POLR3A: variants seen among roughly 807,000 people sequenced by gnomAD.
POLR3A encodes the protein RNA polymerase III subunit A.
In POLR3A, 112 loss-of-function variants were observed where a neutral mutation model predicts 152.8. That is an observed-to-expected ratio of 0.73 (90% CI 0.63 to 0.86). POLR3A has a LOEUF of 0.86. Ranked by LOEUF, POLR3A falls within the 40% of genes least tolerant of loss-of-function variation. POLR3A has a pLI of 0.00. For missense variants in POLR3A, 1,385 were observed against 1,743.1 expected (o/e 0.79, Z 3.66); for synonymous variants, 615 against 652.1 (o/e 0.94, Z 0.87).
At chr10:78,010,951 C>T (rs952667484) in intron 11 of POLR3A, among the ~76,000 whole-genome samples, 1 of 152,152 alleles carries the variant, frequency 6.6e-6, no homozygotes, top group African/African-American at 2.4e-5. Flanking sequence ...CTCAAGTGAT[C>T]CTCCCAGCTC....
Position 78,021,532 on chromosome 10 carries a change from G to A in POLR3A, c.1185+14C>T, listed in dbSNP as rs1847579476. ...ATTTAAAACAAAGAATTGAGCAGCTGAGTGGTCACTTACCTTCTCAGGAAA... is the reference window on the plus strand; with the variant it reads ...ATTTAAAACAAAGAATTGAGCAGCTAAGTGGTCACTTACCTTCTCAGGAAA... On this transcript the variant is annotated intron_variant, in intron 8 of 30. Transcript: ENST00000372371. 6.2e-7 allele frequency: 1 copy of A among 1,613,300 alleles called. No individual in the cohort carries two copies. Among genetic ancestry groups the A allele is most frequent in the Admixed American group, 1.7e-5 (1 of 59,988 alleles).
intron 16 of POLR3A, among the ~76,000 whole-genome samples, 185 bp from the exon 17 acceptor site, chr10:78,002,493 C>T (rs1376920112): frequency 2.6e-5 from 4 of 152,156 alleles, no homozygotes; most frequent in Non-Finnish European, 5.9e-5. Context: ...ACATCTTCTA[C>T]AAGGTTCTAA....
chr10:77,986,181 A>G (rs753204426), intron 21 of POLR3A, 22 bp from the exon 22 acceptor site: 2 of 1,135,754 alleles, frequency 1.8e-6, no homozygotes, highest in South Asian at 2.5e-5. Context: ...CACAGCAAAC[A>G]TCATTTGTAA....
chr10:78,009,622 G>A lies in POLR3A; in HGVS notation c.1824C>T (p.Ser608=), dbSNP rs376895980. 23 of 1,613,986 alleles carry A rather than the reference G, an allele frequency of 1.4e-5. No individual in the cohort carries two copies. The highest frequency in any genetic ancestry group is 1.7e-5 in the Non-Finnish European group (20 of 1,180,016). The change falls in exon 14 of 31, where the codon AGC becomes AGT. Residue 608 remains serine (S), a synonymous_variant. Coordinates refer to ENST00000372371, the MANE Select transcript of POLR3A (RefSeq NM_007055.4). Reference sequence around the variant, plus strand: ...GGTTGGCCCTCACTGGATTGTCATCGCTAGGCCTGAGGATGACACTGAAGA... The same window carrying A: ...GGTTGGCCCTCACTGGATTGTCATCACTAGGCCTGAGGATGACACTGAAGA... ...KQIFSVILRP[S]DDNPVRANLR...
intron 15 of POLR3A, among the ~76,000 whole-genome samples, chr10:78,007,027 C>T (rs927436420): frequency 1.3e-5 from 2 of 152,064 alleles, no homozygotes; most frequent in Non-Finnish European, 2.9e-5. Context: ...GCCAAGATCA[C>T]ACCACTGCAC....
At chr10:77,980,384 G>T in intron 29 of POLR3A, 111 bp from the exon 30 acceptor site, 1 of 1,046,774 alleles carries the variant, frequency 9.6e-7, no homozygotes, top group South Asian at 1.3e-5. Context: ...AAGACCCAAC[G>T]TCAGGTGTGA....
intron 1 of POLR3A, among the ~76,000 whole-genome samples, chr10:78,028,189 C>T (rs1486772383): frequency 6.6e-6 from 1 of 152,178 alleles, no homozygotes; most frequent in Non-Finnish European, 1.5e-5. Context: ...GTTGAAAATC[C>T]TTCAAAGGTT....
rs1847141815 is a variant in POLR3A, at chr10:77,981,523, T to C, written c.3796A>G (p.Thr1266Ala). 5 of 1,614,052 alleles carry C rather than the reference T, an allele frequency of 3.1e-6. No individual in the cohort carries two copies. The highest frequency in any genetic ancestry group is 2.7e-5 in the African/African-American group (2 of 75,034). ...GTGTACTGGATTTCATTGATGATCG[T>C]TGTCCGGGCGGCCTCGATGCCCAGA... ...KTLGIEAART[T>A]IINEIQYTMV... Residue 1266 changes from threonine to alanine, a missense_variant, in exon 29 of 31, where the codon ACG (threonine) becomes GCG (alanine). Transcript: ENST00000372371.
Position 78,026,141 on chromosome 10 carries a change from C to T in POLR3A, c.133G>A (p.Asp45Asn). The change falls in exon 2 of 31, where the codon GAC becomes AAC. Residue 45 changes from aspartate (D) to asparagine (N), a missense_variant. By Grantham distance (23) the Asp-to-Asn change is conservative. This residue lies in a region of POLR3A where 493 missense variants were observed against 647.5 expected (regional missense o/e 0.76). Transcript: ENST00000372371. ...QVVSKNLYSQDNQHAPLLYGV... is the reference protein window; with the variant it reads ...QVVSKNLYSQNNQHAPLLYGV... Reference sequence around the variant, plus strand: ...TATAGCAAGGGGGCATGTTGGTTGTCCTGGCTGTACAGGTTCTTACTCACA... The same window carrying T: ...TATAGCAAGGGGGCATGTTGGTTGTTCTGGCTGTACAGGTTCTTACTCACA... 1 of 1,614,222 alleles carries T rather than the reference C, an allele frequency of 6.2e-7. No homozygotes were observed. The highest frequency in any genetic ancestry group is 8.5e-7 in the Non-Finnish European group (1 of 1,180,044).
At chr10:77,998,997 T>G (rs1358002868) in intron 19 of POLR3A, among the ~76,000 whole-genome samples, 1 of 152,212 alleles carries the variant, frequency 6.6e-6, no homozygotes. Flanking sequence ...TCACGTCCTT[T>G]GTAGGGACAT....
intron 20 of POLR3A, among the ~76,000 whole-genome samples, chr10:77,991,673 C>T (rs1364785780): frequency 6.6e-6 from 1 of 152,156 alleles, no homozygotes; most frequent in African/African-American, 2.4e-5. Context: ...CAGGCATGCG[C>T]CACCACGTAC....
Position 77,977,537 on chromosome 10 carries a change from G to C in POLR3A, c.4114C>G (p.Pro1372Ala). ...LLHKADRDPN[P>A]PKRPLIFDTN... is the part of the protein sequence containing the mutation. ...TCGAAGATCAGGGGCCTCTTGGGAG[G>C]GTTCGGGTCCCTGTCAGCCTTGTGA... The change falls in exon 31 of 31, where the codon CCT becomes GCT. Residue 1372 changes from proline (P) to alanine (A), a missense_variant. By Grantham distance (27) the Pro-to-Ala change is conservative. This residue lies in a region of POLR3A where 332 missense variants were observed against 400.1 expected (regional missense o/e 0.83). Transcript: ENST00000372371. 6.2e-7 allele frequency: 1 copy of C among 1,614,030 alleles called. No homozygotes were observed. Among genetic ancestry groups the C allele is most frequent in the Non-Finnish European group, 8.5e-7 (1 of 1,179,940 alleles).
intron 8 of POLR3A, 27 bp downstream of exon 8, chr10:78,021,519 G>T: frequency 6.2e-7 from 1 of 1,612,870 alleles, no homozygotes. Flanking sequence ...TTAAAACAAA[G>T]AATTGAGCAG....
chr10:78,010,184 C>T (rs1847452929), intron 12 of POLR3A, among the ~76,000 whole-genome samples, 193 bp from the exon 13 acceptor site: 1 of 151,996 alleles, frequency 6.6e-6, no homozygotes, highest in Admixed American at 6.6e-5. Flanking sequence ...ACTGCTGTAT[C>T]CCCAGGCAAA....
At chr10:78,019,384 C>T in intron 8 of POLR3A, 119 bp from the exon 9 acceptor site, 1 of 752,268 alleles carries the variant, frequency 1.3e-6, no homozygotes, top group East Asian at 2.6e-5. Flanking sequence ...AGAGAGGCAT[C>T]CTGGGCAGCC....
chr10:78,019,414 T>A, intron 8 of POLR3A, 149 bp from the exon 9 acceptor site: 1 of 666,532 alleles, frequency 1.5e-6, no homozygotes, highest in Non-Finnish European at 2.7e-6. Flanking sequence ...TGGTCTTGAG[T>A]ATAATGTGAA....
At chr10:78,012,338 T>C (rs1293156006) in intron 11 of POLR3A, among the ~76,000 whole-genome samples, 1 of 148,402 alleles carries the variant, frequency 6.7e-6, no homozygotes, top group African/African-American at 2.5e-5. Flanking sequence ...CACTCCAGCC[T>C]GGGCAACAAG....
In POLR3A at chr10:77,985,981, C is replaced by T. The variant is rs139665002; in HGVS notation, c.2993G>A (p.Arg998His). ...GINDNGTTEPRVLYQLDRITP... is the reference protein window; with the variant it reads ...GINDNGTTEPHVLYQLDRITP... ...GATGCGGTCCAGCTGGTACAGCACA[C>T]GGGGCTGGGAGAATACAAGCCAAGC... Residue 998 changes from arginine to histidine, a missense_variant, in exon 23 of 31, where the codon CGT becomes CAT. Physicochemically the swap from Arg to His is conservative, Grantham distance 29. Transcript: ENST00000372371. The T allele has an allele frequency of 1.1e-4, 185 of 1,613,944 alleles. No homozygotes were observed. The highest frequency in any genetic ancestry group is 2.2e-4 in the South Asian group (20 of 91,078).
intron 24 of POLR3A, among the ~76,000 whole-genome samples, chr10:77,984,833 A>T (rs1169141476): frequency 6.6e-6 from 1 of 152,244 alleles, no homozygotes; most frequent in East Asian, 1.9e-4. Flanking sequence ...CAGACATTTC[A>T]GTCAGGCCTA....
Sources: gnomAD v4.1 joint callset for allele counts (sites outside exome capture counted in the v4.1 genomes callset) on GRCh38, gnomAD v4.1.1 for gene constraint, gnomAD v4.1.1 regional missense constraint, MANE v1.5 for transcripts, NCBI Gene and HGNC (gene_info 2026-07-23, HGNC 2026-07-21) for gene names.